The following NRIP1 variants were observed in gnomAD, a reference collection of about 807,000 sequenced individuals.
The protein encoded by NRIP1 is nuclear receptor interacting protein 1.
A neutral mutation model predicts 75.0 loss-of-function variants in NRIP1; 28 were observed. That is an observed-to-expected ratio of 0.37 (90% CI 0.28 to 0.51). The LOEUF is 0.51. NRIP1 is among the 20% of genes least tolerant of loss of function. The pLI is 0.92. For synonymous variants in NRIP1, 526 were observed against 487.6 expected (o/e 1.08, Z -1.04); for missense variants, 1,435 against 1,343.7 (o/e 1.07, Z -1.06).
In NRIP1 at chr21:15,064,732, G is replaced by A. The variant is rs1472593226; in HGVS notation, c.-538+13C>T. ...CCGCTACTCCTGGCGCCCTGGCCGC[G>A]GCCGTCACTCACCCCAGGCCGCCGC... On this transcript the variant is annotated intron_variant, in intron 1 of 3. Coordinates refer to ENST00000318948, the MANE Select transcript of NRIP1 (RefSeq NM_003489.4). 6.7e-6 allele frequency: 1 copy of A among 149,504 alleles called. No homozygotes were observed. The highest frequency in any genetic ancestry group is 2.4e-5 in the African/African-American group (1 of 41,140). The allele number at this position is 149,504 out of a possible 1,614,324, so 9.3% of individuals were successfully genotyped here. A position where few individuals can be genotyped will look rare whatever the true frequency, so the allele number is the denominator to read the frequency against.
chr21:15,036,743 T>C (rs1393276613), intron 2 of NRIP1, among the ~76,000 whole-genome samples: 3 of 152,196 alleles, frequency 2.0e-5, no homozygotes, highest in Non-Finnish European at 2.9e-5. Flanking sequence ...GCAGGCTACT[T>C]AGCAATATTT....
intron 2 of NRIP1, among the ~76,000 whole-genome samples, chr21:15,037,722 T>C (rs2088866652): frequency 6.6e-6 from 1 of 152,110 alleles, no homozygotes; most frequent in Admixed American, 6.5e-5. Context: ...AAATGTGCAA[T>C]TAACATGCTT....
chr21:15,038,376 G>A (rs144591284), intron 2 of NRIP1, among the ~76,000 whole-genome samples: 9 of 151,928 alleles, frequency 5.9e-5, no homozygotes, highest in African/African-American at 1.9e-4. Flanking sequence ...TTCCAAAGAG[G>A]AAATTTGGAA....
intron 3 of NRIP1, chr21:14,974,307 C>T (rs913778552): frequency 3.9e-5 from 6 of 151,978 alleles, no homozygotes; most frequent in African/African-American, 1.4e-4. Context: ...AATATTGATT[C>T]CAGATTTCAG....
At position 14,962,857 on chromosome 21, in the gene NRIP1, T is replaced by C. The variant is rs1411460189; in HGVS notation, c.*1859A>G. 6.6e-6 allele frequency: 1 copy of C among 152,504 alleles called. No homozygotes were observed. The highest frequency in any genetic ancestry group is 2.4e-5 in the African/African-American group (1 of 41,426). 9.4% of individuals were successfully genotyped at this position (152,504 alleles called of 1,614,324 possible). A position where few individuals can be genotyped will look rare whatever the true frequency, so the allele number is the denominator to read the frequency against. On this transcript the variant is annotated 3_prime_UTR_variant, in exon 4 of 4. Coordinates refer to ENST00000318948, the MANE Select transcript of NRIP1 (RefSeq NM_003489.4). Reference sequence around the variant, plus strand: ...ACACCTATTTTTAATATAAAAATCTTAGAAACCACTTCAAGTAGAACAATT... The same window carrying C: ...ACACCTATTTTTAATATAAAAATCTCAGAAACCACTTCAAGTAGAACAATT...
At chr21:15,053,226 G>A (rs928889128) in intron 1 of NRIP1, among the ~76,000 whole-genome samples, 2 of 152,296 alleles carry the variant, frequency 1.3e-5, no homozygotes, top group East Asian at 3.9e-4. Flanking sequence ...AAAAGAGAAC[G>A]AGAGTTTAAA....
At chr21:14,987,709 T>G (rs1287426417) in intron 3 of NRIP1, among the ~76,000 whole-genome samples, 3 of 152,212 alleles carry the variant, frequency 2.0e-5, no homozygotes, top group African/African-American at 7.2e-5. Flanking sequence ...TTAAAAGCCC[T>G]GCTTTATCAC....
At position 14,962,260 on chromosome 21, in the gene NRIP1, G is replaced by A. The variant is rs1209416746; in HGVS notation, c.*2456C>T. On this transcript the variant is annotated 3_prime_UTR_variant, in exon 4 of 4. Transcript: ENST00000318948. ...AAACAAAGTGAATCTGTGGATGTATGCCCTTTCTCACTGTTCTTTAAAATC... is the reference window on the plus strand; with the variant it reads ...AAACAAAGTGAATCTGTGGATGTATACCCTTTCTCACTGTTCTTTAAAATC... 6.6e-6 allele frequency: 1 copy of A among 151,780 alleles called. No homozygotes were observed. Among genetic ancestry groups the A allele is most frequent in the Non-Finnish European group, 1.5e-5 (1 of 67,826 alleles). The allele number at this position is 151,780 out of a possible 1,614,324, so 9.4% of individuals were successfully genotyped here. A position where few individuals can be genotyped will look rare whatever the true frequency, so the allele number is the denominator to read the frequency against.
At chr21:14,975,049 G>C (rs1273793258) in intron 3 of NRIP1, among the ~76,000 whole-genome samples, 1 of 151,452 alleles carries the variant, frequency 6.6e-6, no homozygotes, top group Non-Finnish European at 1.5e-5. Context: ...GGAAGTCAAG[G>C]CTGCAGTAAG....
At chr21:15,054,124 G>A (rs972720559) in intron 1 of NRIP1, among the ~76,000 whole-genome samples, 8 of 152,120 alleles carry the variant, frequency 5.3e-5, no homozygotes, top group African/African-American at 1.9e-4. Context: ...AAACATAGAT[G>A]GGCTTCATAT....
intron 3 of NRIP1, among the ~76,000 whole-genome samples, chr21:14,988,839 C>A (rs1600838672): frequency 6.6e-6 from 1 of 151,950 alleles, no homozygotes; most frequent in African/African-American, 2.4e-5. Context: ...CTTCATGAGG[C>A]CACATTTCAG....
intron 3 of NRIP1, among the ~76,000 whole-genome samples, chr21:14,984,834 G>A (rs1034195387): frequency 5.3e-5 from 8 of 152,218 alleles, no homozygotes; most frequent in African/African-American, 1.4e-4. Context: ...GCCTCTACCA[G>A]AAGAAAGATT....
intron 1 of NRIP1, chr21:15,051,524 A>T (rs949753894): frequency 6.6e-5 from 10 of 152,372 alleles, no homozygotes; most frequent in African/African-American, 2.4e-4. Context: ...GAATATTTTG[A>T]TTCACAAGTC....
intron 3 of NRIP1, among the ~76,000 whole-genome samples, chr21:14,980,870 T>C (rs1032328404): frequency 4.6e-5 from 7 of 152,144 alleles, no homozygotes; most frequent in Non-Finnish European, 1.0e-4. Flanking sequence ...AGATTGCTAG[T>C]TTTTCAAAAA....
At chr21:14,974,627 A>T (rs1449484643) in intron 3 of NRIP1, among the ~76,000 whole-genome samples, 1 of 152,226 alleles carries the variant, frequency 6.6e-6, no homozygotes, top group East Asian at 1.9e-4. Context: ...ATGAAAGAAT[A>T]CTGTCACACA....
chr21:15,048,717 G>C (rs2089140243), intron 1 of NRIP1, among the ~76,000 whole-genome samples: 1 of 152,104 alleles, frequency 6.6e-6, no homozygotes, highest in Non-Finnish European at 1.5e-5. Context: ...GGTTCCATCT[G>C]AACTATGTAA....
At position 14,967,332 on chromosome 21, in the gene NRIP1, C is replaced by A. The variant is rs768366141; in HGVS notation, c.861G>T (p.Thr287=). 3.1e-6 allele frequency: 5 copies of A among 1,613,944 alleles called. No homozygotes were observed. The highest frequency in any genetic ancestry group is 8.5e-7 in the Non-Finnish European group (1 of 1,180,002). The part of the protein sequence containing the change: ...QQYSREHALK[T]QNANQAASER... ...CACTTGCTGCTTGATTTGCATTTTG[C>A]GTTTTTAAAGCGTGTTCTCGAGAAT... is the stretch of plus-strand genomic sequence containing the variant. The change falls in exon 4 of 4, where the codon ACG becomes ACT. Residue 287 remains threonine (T), a synonymous_variant. Coordinates refer to ENST00000318948, the MANE Select transcript of NRIP1 (RefSeq NM_003489.4).
intron 1 of NRIP1, chr21:15,050,447 C>T: frequency 3.2e-6 from 1 of 313,780 alleles, no homozygotes; most frequent in East Asian, 8.6e-5. Context: ...ATATTGGGAT[C>T]TTCCCTTTCC....
intron 3 of NRIP1, among the ~76,000 whole-genome samples, chr21:14,979,538 C>T (rs2087172001): frequency 6.6e-6 from 1 of 152,202 alleles, no homozygotes; most frequent in African/African-American, 2.4e-5. Flanking sequence ...TACACTTAGA[C>T]ACTCTGCACT....
Sources: allele counts gnomAD v4.1 joint callset (sites outside exome capture counted in the v4.1 genomes callset), GRCh38; gene constraint gnomAD v4.1.1; transcripts MANE v1.5; gene names NCBI Gene and HGNC (gene_info 2026-07-23, HGNC 2026-07-21).